LDLRAD3: variants seen among roughly 807,000 people sequenced by gnomAD.
LDLRAD3 encodes the protein low-density lipoprotein receptor class A domain-containing protein 3.
In LDLRAD3, 20 loss-of-function variants were observed where a neutral mutation model predicts 29.4. That is an observed-to-expected ratio of 0.68 (90% CI 0.48 to 0.99). The LOEUF is 0.99. LDLRAD3 is among the 50% of genes least tolerant of loss of function. The pLI is 0.00. For missense variants in LDLRAD3, 420 were observed against 454.3 expected (o/e 0.92, Z 0.69); for synonymous variants, 157 against 192.7 (o/e 0.81, Z 1.53).
At chr11:35,969,516 A>C (rs1325039476) in intron 1 of LDLRAD3, among the ~76,000 whole-genome samples, 5 of 152,218 alleles carry the variant, frequency 3.3e-5, no homozygotes, top group African/African-American at 1.2e-4. Flanking sequence ...GTTTCCACCG[A>C]GCAGAGAATG....
chr11:35,963,848 G>GA (rs1851307732), intron 1 of LDLRAD3, among the ~76,000 whole-genome samples: 1 of 152,184 alleles, frequency 6.6e-6, no homozygotes, highest in Admixed American at 6.5e-5. Flanking sequence ...ACTTTCCCCT[G>GA]ACCTTAAGTA....
At chr11:36,135,633 G>A (rs1370433543) in intron 4 of LDLRAD3, among the ~76,000 whole-genome samples, 3 of 152,204 alleles carry the variant, frequency 2.0e-5, no homozygotes, top group Non-Finnish European at 4.4e-5. Flanking sequence ...AAGTGGGGTT[G>A]GGCACGGTGG....
chr11:36,180,431 A>G (rs1435831706), intron 4 of LDLRAD3, among the ~76,000 whole-genome samples: 4 of 152,174 alleles, frequency 2.6e-5, no homozygotes, highest in Admixed American at 2.6e-4. Flanking sequence ...CCCTGTCTTC[A>G]TGGACGTATA....
At chr11:36,164,951 C>T (rs769024782) in intron 4 of LDLRAD3, among the ~76,000 whole-genome samples, 1 of 152,170 alleles carries the variant, frequency 6.6e-6, no homozygotes, top group Non-Finnish European at 1.5e-5. Context: ...ACAATAAAAT[C>T]TTATGTTCCC....
At chr11:36,200,659 C>T (rs1855114315) in intron 4 of LDLRAD3, among the ~76,000 whole-genome samples, 1 of 152,158 alleles carries the variant, frequency 6.6e-6, no homozygotes, top group Non-Finnish European at 1.5e-5. Flanking sequence ...GCACCAAATG[C>T]CTGCTCTGCC....
intron 1 of LDLRAD3, among the ~76,000 whole-genome samples, chr11:36,012,115 C>T (rs888257499): frequency 6.6e-6 from 1 of 152,148 alleles, no homozygotes; most frequent in Non-Finnish European, 1.5e-5. Context: ...ATAGTAGTCT[C>T]CCCTTATCTT....
chr11:36,146,394 T>A (rs1256473640), intron 4 of LDLRAD3, among the ~76,000 whole-genome samples: 1 of 152,238 alleles, frequency 6.6e-6, no homozygotes, highest in Non-Finnish European at 1.5e-5. Context: ...ACACCCATTG[T>A]CCATCCTTTT....
intron 1 of LDLRAD3, among the ~76,000 whole-genome samples, chr11:35,946,815 G>A (rs1851063101): frequency 6.6e-6 from 1 of 152,264 alleles, no homozygotes; most frequent in South Asian, 2.1e-4. Context: ...TGTGAGGGGT[G>A]GGTTTTATTG....
chr11:36,191,550 C>G (rs2086065944), intron 4 of LDLRAD3, among the ~76,000 whole-genome samples: 3 of 59,832 alleles, frequency 5.0e-5, no homozygotes, highest in African/African-American at 1.5e-4. Flanking sequence ...CTCTCTCTCT[C>G]TCTCTCTCTC....
chr11:35,980,318 G>A (rs1851524697), intron 1 of LDLRAD3, among the ~76,000 whole-genome samples: 1 of 152,106 alleles, frequency 6.6e-6, no homozygotes, highest in Non-Finnish European at 1.5e-5. Flanking sequence ...GATACCATTG[G>A]CTTTATTGGG....
intron 2 of LDLRAD3, among the ~76,000 whole-genome samples, chr11:36,071,263 C>T (rs373290758): frequency 1.7e-4 from 26 of 152,174 alleles, no homozygotes; most frequent in African/African-American, 6.0e-4. Context: ...ATCAGCCCAT[C>T]GCAGACAATC....
intron 1 of LDLRAD3, among the ~76,000 whole-genome samples, chr11:35,979,739 A>G (rs960593191): frequency 1.3e-5 from 2 of 152,144 alleles, no homozygotes; most frequent in African/African-American, 4.8e-5. Context: ...AATTTATAAG[A>G]TATACTGAGC....
chr11:36,080,326 T>G (rs1853094382), intron 2 of LDLRAD3, among the ~76,000 whole-genome samples: 1 of 152,190 alleles, frequency 6.6e-6, no homozygotes, highest in South Asian at 2.1e-4. Flanking sequence ...TGTTTGTTAT[T>G]TAGCAGGACA....
chr11:35,967,832 TA>T, intron 1 of LDLRAD3: 2 of 425,956 alleles, frequency 4.7e-6, no homozygotes. Flanking sequence ...GCCATTGCAG[TA>T]TCCATTCTGA....
At position 36,221,225 on chromosome 11, in the gene LDLRAD3, C is replaced by CTT. The variant is rs555344475; in HGVS notation, c.455-5859_455-5858dup. ...AGCCAGGCATGGTGGGTGTCATGCG[C>CTT]TTATAATCCCAGTTACTCGTGAGGC... On this transcript the variant is annotated intron_variant, in intron 4 of 5. Coordinates refer to ENST00000315571, the MANE Select transcript of LDLRAD3 (RefSeq NM_174902.4). Among the ~76,000 whole-genome samples, 51 of 152,170 alleles carry CTT rather than the reference C, an allele frequency of 3.4e-4. 2 individuals carry two copies. The East Asian group carries it at 9.5e-3, about 28-fold the overall frequency.
chr11:36,004,127 T>G (rs1006238412), intron 1 of LDLRAD3, among the ~76,000 whole-genome samples: 1 of 152,160 alleles, frequency 6.6e-6, no homozygotes, highest in African/African-American at 2.4e-5. Flanking sequence ...AAAATACAAT[T>G]ATCTCTTCTC....
In LDLRAD3 at chr11:35,968,067, C is replaced by A. The variant is rs146565873; in HGVS notation, c.46+23923C>A. 740 of 459,758 alleles carry A rather than the reference C, an allele frequency of 1.6e-3. 10 individuals carry two copies. The highest frequency in any genetic ancestry group is 0.015 in the Admixed American group (594 of 40,724). The allele number at this position is 459,758 out of a possible 1,614,324, so 28.5% of individuals were successfully genotyped here. On this transcript the variant is annotated intron_variant, in intron 1 of 5. Transcript: ENST00000315571. ...AACCCCAATTTTTTCTACCTCCGAGCATTCTTTTTTATAGTAGGAAGCCAT... is the reference window on the plus strand; with the variant it reads ...AACCCCAATTTTTTCTACCTCCGAGAATTCTTTTTTATAGTAGGAAGCCAT...
intron 4 of LDLRAD3, among the ~76,000 whole-genome samples, chr11:36,178,666 G>A (rs546332055): frequency 2.6e-5 from 4 of 152,142 alleles, no homozygotes; most frequent in African/African-American, 4.8e-5. Context: ...ACTGACCAGC[G>A]CTAATTCCCT....
intron 1 of LDLRAD3, among the ~76,000 whole-genome samples, chr11:35,973,349 G>A (rs375464125): frequency 2.0e-5 from 3 of 152,154 alleles, no homozygotes; most frequent in Admixed American, 6.5e-5. Flanking sequence ...CATCTTTGCT[G>A]TGACAAACAA....
Sources: allele counts gnomAD v4.1 joint callset (sites outside exome capture counted in the v4.1 genomes callset), GRCh38; gene constraint gnomAD v4.1.1; transcripts MANE v1.5; gene names NCBI Gene and HGNC (gene_info 2026-07-23, HGNC 2026-07-21).